B3GALT1: variants seen among roughly 807,000 people sequenced by gnomAD.
B3GALT1 encodes the protein beta-1,3-galactosyltransferase 1.
Under a neutral mutation model 23.2 loss-of-function variants are expected in B3GALT1, and 10 were observed. That is an observed-to-expected ratio of 0.43 (90% CI 0.27 to 0.73). The LOEUF is 0.73. Ranked by LOEUF, B3GALT1 falls within the 30% of genes least tolerant of loss-of-function variation. The probability of loss-of-function intolerance (pLI) is 0.21; values close to 1 mark genes in which losing one functional copy is unlikely to be tolerated. For synonymous variants in B3GALT1, 156 were observed against 141.5 expected, an observed-to-expected ratio of 1.10 and a Z score of -0.73; for missense variants, 299 against 405.4, an observed-to-expected ratio of 0.74 and a Z score of 2.25.
intron 1 of B3GALT1, among the ~76,000 whole-genome samples, chr2:167,487,789 T>C (rs2105340020): frequency 6.6e-6 from 1 of 152,298 alleles, no homozygotes; most frequent in Non-Finnish European, 1.5e-5. Context: ...AACGGGTCTA[T>C]TTGTGGTTAT....
intron 2 of B3GALT1, among the ~76,000 whole-genome samples, chr2:167,628,272 C>A (rs2105444851): frequency 6.6e-6 from 1 of 151,656 alleles, no homozygotes; most frequent in Non-Finnish European, 1.5e-5. Context: ...ATGGAAGTGG[C>A]CTTTGTGTAT....
At chr2:167,765,384 C>T (rs7602510) in intron 3 of B3GALT1, among the ~76,000 whole-genome samples, 5,450 of 152,190 alleles carry the variant, frequency 0.036, 362 homozygotes, top group African/African-American at 0.13. Flanking sequence ...TTGTTCCACT[C>T]GGCGCTATGG....
At chr2:167,720,006 G>A (rs988147425) in intron 3 of B3GALT1, among the ~76,000 whole-genome samples, 2 of 151,972 alleles carry the variant, frequency 1.3e-5, no homozygotes, top group Non-Finnish European at 2.9e-5. Flanking sequence ...TACAACCGCT[G>A]CACTTGAGCA....
chr2:167,511,463 A>G (rs777738363), intron 2 of B3GALT1, among the ~76,000 whole-genome samples: 3 of 152,156 alleles, frequency 2.0e-5, no homozygotes, highest in African/African-American at 4.8e-5. Context: ...CCTTTTCACC[A>G]TGATTGTAAG....
chr2:167,842,019 T>C (rs773571880), intron 4 of B3GALT1, among the ~76,000 whole-genome samples: 1 of 152,214 alleles, frequency 6.6e-6, no homozygotes, highest in Non-Finnish European at 1.5e-5. Context: ...TAAATATTAA[T>C]AAAGCTGGAA....
chr2:167,770,036 A>G (rs1418025275), intron 3 of B3GALT1, among the ~76,000 whole-genome samples: 2 of 152,162 alleles, frequency 1.3e-5, no homozygotes, highest in Admixed American at 6.6e-5. Flanking sequence ...AGTGGTCTAC[A>G]TCCTTCTCTG....
intron 1 of B3GALT1, among the ~76,000 whole-genome samples, chr2:167,348,963 G>C (rs1697266260): frequency 6.6e-6 from 1 of 152,130 alleles, no homozygotes; most frequent in African/African-American, 2.4e-5. Flanking sequence ...GTAGTGAGCA[G>C]AGGATTTTGC....
At chr2:167,746,635 G>T (rs538513805) in intron 3 of B3GALT1, among the ~76,000 whole-genome samples, 1 of 152,314 alleles carries the variant, frequency 6.6e-6, no homozygotes, top group African/African-American at 2.4e-5. Context: ...TGACAAATTG[G>T]TCATACACTT....
intron 3 of B3GALT1, among the ~76,000 whole-genome samples, chr2:167,787,752 G>T (rs561495742): frequency 6.6e-6 from 1 of 152,194 alleles, no homozygotes; most frequent in African/African-American, 2.4e-5. Context: ...TTCCCAAGAC[G>T]ACTCCCTTGA....
Position 167,305,881 on chromosome 2 carries a change from T to G in B3GALT1, c.-511+12547T>G, listed in dbSNP as rs80227580. On this transcript the variant is annotated intron_variant, in intron 1 of 4. Coordinates refer to ENST00000392690, the MANE Select transcript of B3GALT1 (RefSeq NM_020981.4). ...ACTAGACTAAATTATATGAAGAATA[T>G]GAGGACTAGTTATTCACCTACTAAA... 1.6e-3 allele frequency among the ~76,000 whole-genome samples: 249 copies of G among 152,262 alleles called. 9 individuals are homozygous for G. In the East Asian group the frequency reaches 0.045, roughly 28 times the overall value.
At chr2:167,792,678 C>T (rs1366140850) in intron 3 of B3GALT1, among the ~76,000 whole-genome samples, 1 of 152,068 alleles carries the variant, frequency 6.6e-6, no homozygotes, top group East Asian at 1.9e-4. Context: ...AACAGTAAGA[C>T]ACTGTTAAGG....
At chr2:167,508,864 G>A (rs549983561) in intron 2 of B3GALT1, among the ~76,000 whole-genome samples, 1 of 152,048 alleles carries the variant, frequency 6.6e-6, no homozygotes. Context: ...AAATTCAAAG[G>A]TACATGACAA....
At position 167,869,594 on chromosome 2, in the gene B3GALT1, C is replaced by A; in HGVS notation, c.555C>A (p.Asp185Glu). Residue 185 changes from aspartate to glutamate, a missense_variant, in exon 5 of 5, where the codon GAC (aspartate) becomes GAA (glutamate). Asp to Glu is a conservative substitution (Grantham distance 45). Around this residue, in one of 3 missense-constraint regions of B3GALT1, gnomAD observed 133 missense variants for 204.8 expected, o/e 0.65. Coordinates refer to ENST00000392690, the MANE Select transcript of B3GALT1 (RefSeq NM_020981.4). The surrounding 1 kb of genome is among the most constrained non-coding windows in gnomAD (Gnocchi z 6.4). ...KTDSDIFVNM[D>E]NLIYKLLKPS... is the part of the protein sequence containing the mutation. Reference sequence around the variant, plus strand: ...ACAGCGACATTTTTGTAAACATGGACAATCTTATTTATAAATTACTGAAAC... The same window carrying A: ...ACAGCGACATTTTTGTAAACATGGAAAATCTTATTTATAAATTACTGAAAC... The A allele has an allele frequency of 6.2e-7, 1 of 1,614,112 alleles. No individual in the cohort carries two copies. Among genetic ancestry groups the A allele is most frequent in the Non-Finnish European group, 8.5e-7 (1 of 1,180,012 alleles).
At chr2:167,442,771 A>G (rs1698915954) in intron 1 of B3GALT1, among the ~76,000 whole-genome samples, 1 of 147,046 alleles carries the variant, frequency 6.8e-6, no homozygotes, top group Non-Finnish European at 1.5e-5. Flanking sequence ...GATTCTGGAT[A>G]TTAGCCCTTT....
intron 4 of B3GALT1, among the ~76,000 whole-genome samples, chr2:167,836,770 CAGAG>C (rs1689486569): frequency 6.6e-6 from 1 of 152,102 alleles, no homozygotes; most frequent in Admixed American, 6.5e-5. Context: ...TTAAGGCAGC[CAGAG>C]AGAAAGGGCG....
At chr2:167,467,919 G>A (rs932167858) in intron 1 of B3GALT1, among the ~76,000 whole-genome samples, 6 of 152,246 alleles carry the variant, frequency 3.9e-5, no homozygotes, top group African/African-American at 1.4e-4. Flanking sequence ...AAGACCATAC[G>A]TTGTAGTCCA....
intron 3 of B3GALT1, among the ~76,000 whole-genome samples, chr2:167,651,264 G>A (rs1038383436): frequency 0.032 from 358 of 11,028 alleles, 6 homozygotes; most frequent in Admixed American, 0.3. Flanking sequence ...GTGTGTGTGT[G>A]TGTGTGTGCG....
chr2:167,654,237 T>G (rs1217680720), intron 3 of B3GALT1, among the ~76,000 whole-genome samples: 1 of 152,208 alleles, frequency 6.6e-6, no homozygotes, highest in Non-Finnish European at 1.5e-5. Context: ...ACACTTAGAC[T>G]GCAAGGCATT....
intron 2 of B3GALT1, chr2:167,558,234 A>T (rs1274965088): frequency 6.6e-6 from 1 of 152,254 alleles, no homozygotes; most frequent in Non-Finnish European, 1.5e-5. Flanking sequence ...TCATTTAGAT[A>T]AAATAACATG....
Sources: gnomAD v4.1 joint callset for allele counts (sites outside exome capture counted in the v4.1 genomes callset) on GRCh38, gnomAD v4.1.1 for gene constraint, gnomAD v4.1.1 regional missense constraint, Gnocchi (gnomAD v3.1) non-coding constraint, MANE v1.5 for transcripts, NCBI Gene and HGNC (gene_info 2026-07-23, HGNC 2026-07-21) for gene names.